The following FFAR4 variants were observed in gnomAD, a reference collection of about 807,000 sequenced individuals.
FFAR4 encodes the protein G-protein coupled receptor 120.
In FFAR4, 19 loss-of-function variants were observed where a neutral mutation model predicts 27.0. The observed-to-expected ratio is 0.70, with a 90% CI of 0.49 to 1.03. The LOEUF (loss-of-function observed/expected upper bound fraction) is 1.03, where lower values mean the gene tolerates loss of function less well. Among genes scored for constraint, FFAR4 ranks in the 50% least tolerant of loss-of-function variants. FFAR4 has a pLI of 0.00. For missense variants in FFAR4, 476 were observed against 479.0 expected (o/e 0.99, Z 0.06); for synonymous variants, 254 against 215.6 (o/e 1.18, Z -1.56).
At position 93,587,701 on chromosome 10, in the gene FFAR4, G is replaced by A; in HGVS notation, c.*92G>A. ...CCAGTACCCTCCATCAGTGCACCCT[G>A]CTTTAAGAAAATGAACCTATGCAAA... On this transcript the variant is annotated 3_prime_UTR_variant, in exon 3 of 3. Transcript: ENST00000371481. The A allele has an allele frequency of 3.2e-6, 4 of 1,257,276 alleles. No homozygotes were observed. Among genetic ancestry groups the A allele is most frequent in the Admixed American group, 2.2e-5 (1 of 46,304 alleles). The allele number at this position is 1,257,276 out of a possible 1,614,324, so 77.9% of individuals were successfully genotyped here. A position where few individuals can be genotyped will look rare whatever the true frequency, so the allele number is the denominator to read the frequency against.
chr10:93,570,456 A>G (rs1421160487), intron 1 of FFAR4, among the ~76,000 whole-genome samples: 1 of 151,196 alleles, frequency 6.6e-6, no homozygotes, highest in Non-Finnish European at 1.5e-5. Context: ...TTGTTTTCTC[A>G]ATCCCCATAT....
intron 1 of FFAR4, among the ~76,000 whole-genome samples, chr10:93,571,718 A>T (rs868230009): frequency 2.8e-4 from 42 of 152,372 alleles, no homozygotes; most frequent in African/African-American, 9.4e-4. Context: ...GAAAGGAAGC[A>T]TCTCTTGCAT....
chr10:93,575,824 T>C (rs772021838), intron 1 of FFAR4, among the ~76,000 whole-genome samples: 8 of 152,204 alleles, frequency 5.3e-5, no homozygotes, highest in Non-Finnish European at 8.8e-5. Context: ...GAACCGACTC[T>C]AGCTCTTACC....
chr10:93,574,909 A>C (rs2058154566), intron 1 of FFAR4, among the ~76,000 whole-genome samples: 1 of 152,176 alleles, frequency 6.6e-6, no homozygotes, highest in Non-Finnish European at 1.5e-5. Flanking sequence ...AAGAAAAAAA[A>C]CAAAACAAAA....
chr10:93,585,216 G>T (rs1351270796), intron 2 of FFAR4, among the ~76,000 whole-genome samples: 2 of 148,350 alleles, frequency 1.3e-5, no homozygotes, highest in East Asian at 2.1e-4. Flanking sequence ...TGCCTGCCAT[G>T]CCTCTGCTTC....
intron 1 of FFAR4, 125 bp from the exon 2 acceptor site, chr10:93,575,966 T>C: frequency 1.1e-6 from 1 of 888,576 alleles, no homozygotes; most frequent in Non-Finnish European, 1.8e-6. Flanking sequence ...TGGGGTTCAC[T>C]GTCATGCTAG....
chr10:93,567,315 A>G, intron 1 of FFAR4, 28 bp downstream of exon 1: 2 of 1,587,870 alleles, frequency 1.3e-6, no homozygotes, highest in Middle Eastern at 1.7e-4. Flanking sequence ...TGTGCCGGGC[A>G]GGTGTCCTGC....
chr10:93,586,097 C>T (rs183684512), intron 2 of FFAR4, among the ~76,000 whole-genome samples: 1 of 152,272 alleles, frequency 6.6e-6, no homozygotes, highest in Admixed American at 6.5e-5. Flanking sequence ...TGTGTCCCCA[C>T]CCAAATCTCA....
intron 2 of FFAR4, among the ~76,000 whole-genome samples, chr10:93,584,634 A>G (rs1191636496): frequency 7.9e-5 from 12 of 152,182 alleles, no homozygotes; most frequent in Admixed American, 3.9e-4. Flanking sequence ...AGGTGGACCT[A>G]AACTCCTGCA....
chr10:93,580,871 A>G (rs2058193344), intron 2 of FFAR4, among the ~76,000 whole-genome samples: 1 of 152,182 alleles, frequency 6.6e-6, no homozygotes, highest in Admixed American at 6.5e-5. Flanking sequence ...CAAACATGCC[A>G]TACATCTTCA....
At chr10:93,584,603 G>T (rs1211340043) in intron 2 of FFAR4, among the ~76,000 whole-genome samples, 1 of 152,186 alleles carries the variant, frequency 6.6e-6, no homozygotes, top group Non-Finnish European at 1.5e-5. Context: ...AGCATCTGTT[G>T]CCCTGGTCTC....
chr10:93,570,083 T>TA (rs1216532702), intron 1 of FFAR4, among the ~76,000 whole-genome samples: 3 of 151,282 alleles, frequency 2.0e-5, no homozygotes, highest in South Asian at 2.1e-4. Context: ...TTTTTTAAAT[T>TA]AAAAAAAATG....
chr10:93,567,351 G>A (rs747106979), intron 1 of FFAR4, 64 bp downstream of exon 1: 129 of 1,414,408 alleles, frequency 9.1e-5, no homozygotes, highest in Non-Finnish European at 1.2e-4. Flanking sequence ...GGGCCCCGAC[G>A]GAAGCTGGGA....
intron 1 of FFAR4, among the ~76,000 whole-genome samples, chr10:93,571,574 C>T (rs2058131721): frequency 6.6e-6 from 1 of 152,182 alleles, no homozygotes. Context: ...GATCCCACTG[C>T]CCCACCCTAC....
rs764698780 is a variant in FFAR4 at position 93,566,730 on chromosome 10, G to A, written c.10G>A (p.Glu4Lys). The A allele has an allele frequency of 6.3e-5, 100 of 1,594,030 alleles. No individual in the cohort carries two copies. The East Asian group carries it at 2.2e-3, about 36-fold the overall frequency. Reference protein sequence around the residue: MSPECARAAGDAPL... With the variant: MSPKCARAAGDAPL... The stretch of plus-strand genomic sequence containing the variant: ...CCGCCAGGCGCCGGGAATGTCCCCT[G>A]AATGCGCGCGGGCAGCGGGCGACGC... The change falls in exon 1 of 3, where the codon GAA becomes AAA. Residue 4 changes from glutamate (E) to lysine (K), a missense_variant. Glu to Lys is a moderately conservative substitution (Grantham distance 56, BLOSUM62 1). Transcript: ENST00000371481.
intron 1 of FFAR4, among the ~76,000 whole-genome samples, chr10:93,569,259 T>C (rs2058118376): frequency 6.6e-6 from 1 of 152,216 alleles, no homozygotes. Flanking sequence ...AGTTTTCAGA[T>C]GTGTATTTTG....
At position 93,587,085 on chromosome 10, in the gene FFAR4, C is replaced by T. The variant is rs936714899; in HGVS notation, c.697-135C>T. The stretch of plus-strand genomic sequence containing the variant: ...CCATTTCTCCAGCACATCCTAAGCT[C>T]GGGCACACAAAGTCCCAGAGGCACA... On this transcript the variant is annotated intron_variant, in intron 2 of 2. Coordinates refer to ENST00000371481, the MANE Select transcript of FFAR4 (RefSeq NM_001195755.2). 45 of 718,060 alleles carry T rather than the reference C, an allele frequency of 6.3e-5. 1 individual carries two copies. The highest frequency in any genetic ancestry group is 5.2e-4 in the African/African-American group (29 of 55,918). The allele number at this position is 718,060 out of a possible 1,614,324, so 44.5% of individuals were successfully genotyped here. A position where few individuals can be genotyped will look rare whatever the true frequency, so the allele number is the denominator to read the frequency against.
At chr10:93,587,185 A>T in intron 2 of FFAR4, 35 bp from the exon 3 acceptor site, 1 of 1,576,256 alleles carries the variant, frequency 6.3e-7, no homozygotes, top group Non-Finnish European at 8.6e-7. Context: ...ACCCTCGGTC[A>T]CCTGTGGCTC....
At position 93,587,328 on chromosome 10, in the gene FFAR4, C is replaced by T. The variant is rs1295942307; in HGVS notation, c.805C>T (p.Leu269Phe). The T allele has an allele frequency of 6.2e-6, 10 of 1,614,166 alleles. No individual in the cohort carries two copies. The highest frequency in any genetic ancestry group is 1.3e-5 in the African/African-American group (1 of 75,052). ...DFRLFRTLFL[L>F]MVSFFIMWSP... is the part of the protein sequence containing the mutation. ...CCGGCTCTTCCGCACCCTCTTCCTC[C>T]TCATGGTCTCCTTCTTCATCATGTG... The change falls in exon 3 of 3, where the codon CTC becomes TTC. Residue 269 changes from leucine to phenylalanine, a missense_variant. Transcript: ENST00000371481.
Sources: gnomAD v4.1 joint callset for allele counts (sites outside exome capture counted in the v4.1 genomes callset) on GRCh38, gnomAD v4.1.1 for gene constraint, MANE v1.5 for transcripts, NCBI Gene and HGNC (gene_info 2026-07-23, HGNC 2026-07-21) for gene names.